LRRIQ4: variants seen among roughly 807,000 people sequenced by gnomAD.
LRRIQ4 encodes the protein leucine rich repeats and IQ motif containing 4.
Under a neutral mutation model 40.1 loss-of-function variants are expected in LRRIQ4, and 21 were observed. The ratio of observed to expected loss-of-function variants is 0.52; its 90% CI spans 0.37 to 0.75. LRRIQ4 has a LOEUF of 0.75. Among genes scored for constraint, LRRIQ4 ranks in the 30% least tolerant of loss-of-function variants. The pLI, the probability that LRRIQ4 is intolerant of heterozygous loss-of-function variation, is 0.00. For missense variants in LRRIQ4, 655 were observed against 660.0 expected (o/e 0.99, Z 0.08); for synonymous variants, 277 against 277.1 (o/e 1.00, Z 0.00).
In LRRIQ4 at chr3:169,828,799, T is replaced by G. The variant is rs1303187107; in HGVS notation, c.1061T>G (p.Leu354Arg). The G allele has an allele frequency of 1.9e-6, 3 of 1,613,512 alleles. No homozygotes were observed. The highest frequency in any genetic ancestry group is 1.1e-5 in the South Asian group (1 of 90,960). Residue 354 changes from leucine (L) to arginine (R), a missense_variant, in exon 3 of 6, where the codon CTT becomes CGT. Physicochemically the swap from Leu to Arg is moderately radical, Grantham distance 102. Coordinates refer to ENST00000340806, the MANE Select transcript of LRRIQ4 (RefSeq NM_001080460.3). ...GGCTCACTTTCAAAACTGAAGATAC[T>G]TGGACTAACAGGAAATGAGTTCCTT... ...ELGSLSKLKILGLTGNEFLSF... is the reference protein window; with the variant it reads ...ELGSLSKLKIRGLTGNEFLSF...
At chr3:169,830,245 T>A (rs180764636) in intron 3 of LRRIQ4, among the ~76,000 whole-genome samples, 2 of 128,786 alleles carry the variant, frequency 1.6e-5, no homozygotes, top group Non-Finnish European at 1.6e-5. Context: ...ACTAGATGTC[T>A]GTAGTCTCTT....
chr3:169,822,960 GC>G lies in LRRIQ4; in HGVS notation c.1020+20del, dbSNP rs748572767. 2.0e-6 allele frequency: 3 copies of G among 1,497,126 alleles called. No homozygotes were observed. The Admixed American group carries it at 7.3e-5, about 36-fold the overall frequency. The allele number at this position is 1,497,126 out of a possible 1,614,324, so 92.7% of individuals were successfully genotyped here. On this transcript the variant is annotated intron_variant, in intron 2 of 5. Coordinates refer to ENST00000340806, the MANE Select transcript of LRRIQ4 (RefSeq NM_001080460.3). Reference sequence around the variant, plus strand: ...AGGACAGGTACGGATTCCTTTTCTGGCTGTCACTATGCTCTCATCCAGGGTC... The same window carrying G: ...AGGACAGGTACGGATTCCTTTTCTGGTGTCACTATGCTCTCATCCAGGGTC...
intron 5 of LRRIQ4, 104 bp downstream of exon 5, chr3:169,833,287 C>A (rs1576771558): frequency 1.1e-6 from 1 of 937,830 alleles, no homozygotes; most frequent in South Asian, 2.2e-5. Flanking sequence ...CCTTGTCCTG[C>A]TTCTGAAAAG....
At chr3:169,829,858 C>T (rs1780123059) in intron 3 of LRRIQ4, among the ~76,000 whole-genome samples, 1 of 152,204 alleles carries the variant, frequency 6.6e-6, no homozygotes, top group African/African-American at 2.4e-5. Flanking sequence ...CCCAGTCATG[C>T]AATGCCATGC....
At chr3:169,815,771 G>A (rs1243848021) in intron 1 of LRRIQ4, among the ~76,000 whole-genome samples, 1 of 152,050 alleles carries the variant, frequency 6.6e-6, no homozygotes, top group East Asian at 1.9e-4. Context: ...ACTACCTACG[G>A]GCCTGTCAAA....
chr3:169,820,615 C>A (rs1001870824), intron 1 of LRRIQ4, among the ~76,000 whole-genome samples: 2 of 149,782 alleles, frequency 1.3e-5, no homozygotes, highest in Non-Finnish European at 2.9e-5. Context: ...CGGCTTACTG[C>A]AAGCTCCGCC....
intron 2 of LRRIQ4, among the ~76,000 whole-genome samples, chr3:169,824,701 C>T (rs559323180): frequency 1.5e-3 from 230 of 151,980 alleles, no homozygotes; most frequent in Non-Finnish European, 2.6e-3. Context: ...TTAATAGAGA[C>T]GGGGTTTCAC....
chr3:169,825,760 T>G (rs569952940), intron 2 of LRRIQ4, among the ~76,000 whole-genome samples: 65 of 152,354 alleles, frequency 4.3e-4, no homozygotes, highest in African/African-American at 1.4e-3. Context: ...CACTGAAATG[T>G]AGACATGTTA....
At chr3:169,836,927 T>C (rs979761260) in intron 5 of LRRIQ4, among the ~76,000 whole-genome samples, 5 of 152,092 alleles carry the variant, frequency 3.3e-5, no homozygotes, top group Non-Finnish European at 7.4e-5. Flanking sequence ...TTGTAAGCCA[T>C]ATAAGGACTT....
chr3:169,819,064 T>C (rs1471112481), intron 1 of LRRIQ4, among the ~76,000 whole-genome samples: 1 of 152,186 alleles, frequency 6.6e-6, no homozygotes, highest in Non-Finnish European at 1.5e-5. Context: ...CAAATGAAGA[T>C]GTAACAATTA....
intron 2 of LRRIQ4, 39 bp downstream of exon 2, chr3:169,822,980 C>T: frequency 1.4e-6 from 2 of 1,466,820 alleles, no homozygotes; most frequent in Non-Finnish European, 9.0e-7. Context: ...TGCTCTCATC[C>T]AGGGTCCTTC....
At chr3:169,824,578 T>A (rs1183184408) in intron 2 of LRRIQ4, among the ~76,000 whole-genome samples, 1 of 152,272 alleles carries the variant, frequency 6.6e-6, no homozygotes, top group East Asian at 1.9e-4. Flanking sequence ...AGTGGTGCTA[T>A]CTTGGCTCAC....
chr3:169,817,754 CT>C (rs1279959267), intron 1 of LRRIQ4, among the ~76,000 whole-genome samples: 1 of 152,116 alleles, frequency 6.6e-6, no homozygotes, highest in Non-Finnish European at 1.5e-5. Flanking sequence ...GCTACTCCTG[CT>C]CTTTTTTGTT....
chr3:169,819,274 C>T (rs116508275), intron 1 of LRRIQ4, among the ~76,000 whole-genome samples: 2,385 of 152,020 alleles, frequency 0.016, 66 homozygotes, highest in African/African-American at 0.055. Flanking sequence ...CACAAATGAA[C>T]GTGAAATATG....
intron 1 of LRRIQ4, among the ~76,000 whole-genome samples, chr3:169,814,962 T>C (rs1306873680): frequency 2.6e-5 from 4 of 152,252 alleles, no homozygotes; most frequent in African/African-American, 4.8e-5. Context: ...TGGATTTATA[T>C]CTGGGTTCTC....
At position 169,830,529 on chromosome 3, in the gene LRRIQ4, AG is replaced by A. The variant is rs774244664; in HGVS notation, c.1233del (p.Glu411AspfsTer13). The A allele has an allele frequency of 3.2e-5, 52 of 1,610,888 alleles. No individual in the cohort carries two copies. The highest frequency in any genetic ancestry group is 2.8e-5 in the Non-Finnish European group (33 of 1,178,246). On this transcript the variant is annotated frameshift_variant, in exon 4 of 6. Coordinates refer to ENST00000340806, the MANE Select transcript of LRRIQ4 (RefSeq NM_001080460.3). LOFTEE classifies it high-confidence loss of function. ...CTATATATAGAGAACAATCATCTGG[AG>A]TACCTGCCCGTATCCTTGGGGTCAA... ...KELYIENNHL[E>X]YLPVSLGSMP...
intron 1 of LRRIQ4, among the ~76,000 whole-genome samples, chr3:169,815,920 G>A (rs186002663): frequency 8.5e-5 from 13 of 152,250 alleles, no homozygotes; most frequent in Admixed American, 7.8e-4. Context: ...CCTTCATTCT[G>A]TTGATAGGTT....
intron 5 of LRRIQ4, among the ~76,000 whole-genome samples, chr3:169,836,601 A>T (rs1332960760): frequency 1.3e-5 from 2 of 152,098 alleles, no homozygotes; most frequent in East Asian, 3.9e-4. Context: ...TATAAATCTA[A>T]TCATCTCCTC....
intron 5 of LRRIQ4, among the ~76,000 whole-genome samples, chr3:169,835,364 C>CTGTGTGTGTGTGTGTGTGTGTGTGTG: frequency 6.8e-6 from 1 of 146,510 alleles, no homozygotes; most frequent in Middle Eastern, 3.5e-3. Flanking sequence ...TTGTCTTTTT[C>CTGTGTGTGTGTGTGTGTGTGTGTGTG]TGTGTGTGTG....
Sources: gnomAD v4.1 joint callset for allele counts (sites outside exome capture counted in the v4.1 genomes callset) on GRCh38, gnomAD v4.1.1 for gene constraint, MANE v1.5 for transcripts, NCBI Gene and HGNC (gene_info 2026-07-23, HGNC 2026-07-21) for gene names.